The following ZFHX3 variants were observed in gnomAD, a reference collection of about 807,000 sequenced individuals.
ZFHX3 encodes zinc finger homeobox protein 3.
ZFHX3 carries 42 observed loss-of-function variants against 279.1 expected under a neutral mutation model. The ratio of observed to expected loss-of-function variants is 0.15; its 90% CI spans 0.12 to 0.19. The LOEUF (loss-of-function observed/expected upper bound fraction) is 0.19, where lower values mean the gene tolerates loss of function less well. ZFHX3 is among the 10% of genes least tolerant of loss of function. ZFHX3 has a pLI of 1.00. For synonymous variants in ZFHX3, 2,293 were observed against 1,957.8 expected (o/e 1.17, Z -4.52); for missense variants, 4,981 against 4,754.0 (o/e 1.05, Z -1.40).
chr16:73,609,051 T>C (rs916901318), intron 2 of ZFHX3: 1 of 152,190 alleles, frequency 6.6e-6, no homozygotes, highest in Non-Finnish European at 1.5e-5. Context: ...AATCTGATGT[T>C]TTCCTCCTCT....
chr16:73,811,086 T>G (rs538519854), intron 1 of ZFHX3, among the ~76,000 whole-genome samples: 8 of 151,906 alleles, frequency 5.3e-5, no homozygotes, highest in African/African-American at 1.7e-4. Flanking sequence ...AAAAAAAAAA[T>G]TTCATGATCC....
At chr16:73,522,471 G>A (rs1426965192) in intron 2 of ZFHX3, among the ~76,000 whole-genome samples, 1 of 152,170 alleles carries the variant, frequency 6.6e-6, no homozygotes, top group Non-Finnish European at 1.5e-5. Context: ...ATTATCCATA[G>A]CCCAGGATCT....
intron 7 of ZFHX3, among the ~76,000 whole-genome samples, chr16:73,112,370 C>T (rs1232072116): frequency 6.6e-6 from 1 of 151,814 alleles, no homozygotes; most frequent in African/African-American, 2.4e-5. Context: ...GAGTCCTAGT[C>T]TCATAAATTA....
chr16:73,100,103 T>C (rs913301729), intron 7 of ZFHX3, among the ~76,000 whole-genome samples: 1 of 152,160 alleles, frequency 6.6e-6, no homozygotes, highest in Non-Finnish European at 1.5e-5. Flanking sequence ...CTGTTGACAA[T>C]TCCGGGGCTC....
At chr16:72,980,666 T>C (rs989544769) in intron 1 of ZFHX3, among the ~76,000 whole-genome samples, 2 of 151,800 alleles carry the variant, frequency 1.3e-5, no homozygotes, top group East Asian at 1.9e-4. Flanking sequence ...AGCTACTTGA[T>C]TGCTTGAGAC....
chr16:73,553,760 C>G (rs2020236232), intron 2 of ZFHX3, among the ~76,000 whole-genome samples: 1 of 152,178 alleles, frequency 6.6e-6, no homozygotes, highest in Admixed American at 6.6e-5. Context: ...GACTCCAGGT[C>G]TGCCTCCAAG....
At chr16:73,691,796 G>A (rs187970154) in intron 1 of ZFHX3, among the ~76,000 whole-genome samples, 1 of 152,198 alleles carries the variant, frequency 6.6e-6, no homozygotes, top group Non-Finnish European at 1.5e-5. Flanking sequence ...GTTATATAAG[G>A]TAGTCACTTG....
At chr16:73,885,847 C>G (rs2030328545) in intron 1 of ZFHX3, among the ~76,000 whole-genome samples, 1 of 152,026 alleles carries the variant, frequency 6.6e-6, no homozygotes, top group South Asian at 2.1e-4. Context: ...ACTTTCACTC[C>G]CAGACCCTGA....
intron 2 of ZFHX3, among the ~76,000 whole-genome samples, chr16:73,570,246 A>G (rs1233516364): frequency 6.6e-6 from 1 of 152,238 alleles, no homozygotes; most frequent in Non-Finnish European, 1.5e-5. Flanking sequence ...GATTCCCGAC[A>G]CAAATGCAAC....
chr16:73,616,336 A>G (rs2052300610), intron 2 of ZFHX3, among the ~76,000 whole-genome samples: 1 of 148,436 alleles, frequency 6.7e-6, no homozygotes. Context: ...ACAAGGAAAC[A>G]CTATGATTGG....
chr16:73,273,926 C>T (rs958995170), intron 4 of ZFHX3, among the ~76,000 whole-genome samples: 1 of 151,874 alleles, frequency 6.6e-6, no homozygotes, highest in East Asian at 1.9e-4. Flanking sequence ...GTGGATCACC[C>T]GAGGTCAGGA....
At chr16:72,962,517 G>A (rs948737226) in intron 1 of ZFHX3, among the ~76,000 whole-genome samples, 2 of 152,208 alleles carry the variant, frequency 1.3e-5, no homozygotes, top group Non-Finnish European at 2.9e-5. Flanking sequence ...CGGAGAGGAG[G>A]AACCCACTGC....
chr16:72,810,279 G>A (rs527423125), intron 7 of ZFHX3, among the ~76,000 whole-genome samples: 9 of 152,114 alleles, frequency 5.9e-5, no homozygotes, highest in African/African-American at 1.4e-4. Context: ...TCTGCCTCCC[G>A]GGTTCAAGTG....
intron 5 of ZFHX3, among the ~76,000 whole-genome samples, chr16:73,155,852 A>T (rs1352272085): frequency 1.3e-5 from 2 of 151,956 alleles, no homozygotes; most frequent in African/African-American, 2.4e-5. Flanking sequence ...AACTACATGT[A>T]TATATGTATA....
chr16:73,032,265 A>G (rs1964732708), intron 1 of ZFHX3, among the ~76,000 whole-genome samples: 1 of 152,134 alleles, frequency 6.6e-6, no homozygotes, highest in African/African-American at 2.4e-5. Flanking sequence ...TTGTATCACT[A>G]CACTCCAGCC....
At chr16:72,978,096 C>T (rs1012824428) in intron 1 of ZFHX3, among the ~76,000 whole-genome samples, 1 of 152,138 alleles carries the variant, frequency 6.6e-6, no homozygotes, top group African/African-American at 2.4e-5. Flanking sequence ...AACTCCTGAC[C>T]TCAGGTGACC....
intron 2 of ZFHX3, among the ~76,000 whole-genome samples, chr16:73,486,044 G>A (rs985894416): frequency 6.6e-6 from 1 of 152,196 alleles, no homozygotes; most frequent in Admixed American, 6.5e-5. Context: ...ATAAACATAT[G>A]TTGAGTGAAT....
At chr16:73,442,518 GTAGT>G (rs2018112562) in intron 3 of ZFHX3, among the ~76,000 whole-genome samples, 1 of 152,016 alleles carries the variant, frequency 6.6e-6, no homozygotes, top group African/African-American at 2.4e-5. Context: ...TTTTGTGTGC[GTAGT>G]TAACCATGTA....
intron 3 of ZFHX3, among the ~76,000 whole-genome samples, chr16:73,429,476 A>G (rs767157127): frequency 2.0e-5 from 3 of 151,862 alleles, no homozygotes; most frequent in Non-Finnish European, 4.4e-5. Flanking sequence ...GGGATTACAG[A>G]TGCCCGCCAC....
Sources: gnomAD v4.1 joint callset for allele counts (sites outside exome capture counted in the v4.1 genomes callset) on GRCh38, gnomAD v4.1.1 for gene constraint, MANE v1.5 for transcripts, NCBI Gene and HGNC (gene_info 2026-07-23, HGNC 2026-07-21) for gene names.